The following NDST3 variants were observed in gnomAD, a reference collection of about 807,000 sequenced individuals.
NDST3 encodes N-deacetylase and N-sulfotransferase 3.
Under a neutral mutation model 96.1 loss-of-function variants are expected in NDST3, and 58 were observed. That is an observed-to-expected ratio of 0.60 (90% CI 0.49 to 0.75). The LOEUF (loss-of-function observed/expected upper bound fraction) is 0.75, where lower values mean the gene tolerates loss of function less well. Among genes scored for constraint, NDST3 ranks in the 30% least tolerant of loss-of-function variants. The pLI is 0.00. For synonymous variants in NDST3, 333 were observed against 359.7 expected (o/e 0.93, Z 0.84); for missense variants, 788 against 1,034.2 (o/e 0.76, Z 3.27).
intron 4 of NDST3, among the ~76,000 whole-genome samples, chr4:118,131,001 C>CT (rs1732565373): frequency 1.3e-5 from 2 of 152,092 alleles, no homozygotes; most frequent in Admixed American, 6.5e-5. Context: ...AGGATTCTGT[C>CT]TTTGTCTTTG....
At chr4:118,167,462 T>C (rs978123280) in intron 6 of NDST3, among the ~76,000 whole-genome samples, 3 of 152,024 alleles carry the variant, frequency 2.0e-5, no homozygotes, top group African/African-American at 4.8e-5. Context: ...GGAAGGTTAA[T>C]ATTATTAAAA....
chr4:118,242,957 A>G (rs1288185442), intron 12 of NDST3, among the ~76,000 whole-genome samples: 1 of 152,136 alleles, frequency 6.6e-6, no homozygotes, highest in Non-Finnish European at 1.5e-5. Context: ...GAAGACCTCT[A>G]TCTTACTGCG....
intron 6 of NDST3, among the ~76,000 whole-genome samples, chr4:118,180,675 T>C (rs779458402): frequency 3.3e-5 from 5 of 152,188 alleles, no homozygotes; most frequent in Non-Finnish European, 4.4e-5. Context: ...ACCACAGGAT[T>C]GGGTCATGTA....
chr4:118,195,098 T>C (rs754752578), intron 6 of NDST3, among the ~76,000 whole-genome samples: 1 of 152,230 alleles, frequency 6.6e-6, no homozygotes, highest in Non-Finnish European at 1.5e-5. Context: ...TTGGGTGATA[T>C]TGACATTTTA....
intron 6 of NDST3, among the ~76,000 whole-genome samples, chr4:118,187,051 C>T (rs1426515905): frequency 6.6e-6 from 1 of 152,126 alleles, no homozygotes; most frequent in Non-Finnish European, 1.5e-5. Flanking sequence ...CCCCATGAAC[C>T]AATCCAACTA....
intron 6 of NDST3, among the ~76,000 whole-genome samples, chr4:118,157,395 C>T (rs1165037335): frequency 1.3e-5 from 2 of 150,380 alleles, no homozygotes; most frequent in African/African-American, 4.9e-5. Flanking sequence ...AGAAACACTT[C>T]ACTACGTACA....
chr4:118,163,291 C>T (rs1302254140), intron 6 of NDST3, among the ~76,000 whole-genome samples: 3 of 152,200 alleles, frequency 2.0e-5, no homozygotes, highest in African/African-American at 7.2e-5. Context: ...GCTATAAAGA[C>T]ACATGCACAC....
chr4:118,060,394 G>C (rs962080724), intron 2 of NDST3, among the ~76,000 whole-genome samples: 4 of 151,754 alleles, frequency 2.6e-5, no homozygotes, highest in Non-Finnish European at 4.4e-5. Context: ...ATTACTATTT[G>C]AGAAATATAT....
chr4:118,194,202 G>T, intron 6 of NDST3: 1 of 754,414 alleles, frequency 1.3e-6, no homozygotes. Context: ...TTCTCCTGAT[G>T]TTCAAAGAAC....
chr4:118,148,185 C>T (rs1734095641), intron 6 of NDST3, among the ~76,000 whole-genome samples: 1 of 152,142 alleles, frequency 6.6e-6, no homozygotes, highest in Non-Finnish European at 1.5e-5. Flanking sequence ...GTAGTCCCAG[C>T]TACTCAGGAG....
chr4:118,063,810 A>T (rs1726090692), intron 2 of NDST3, among the ~76,000 whole-genome samples: 1 of 152,180 alleles, frequency 6.6e-6, no homozygotes, highest in Non-Finnish European at 1.5e-5. Flanking sequence ...AGTAAGTGGC[A>T]TTCCTAGAAT....
intron 6 of NDST3, among the ~76,000 whole-genome samples, chr4:118,177,884 A>G (rs1285430610): frequency 2.6e-5 from 4 of 151,944 alleles, no homozygotes; most frequent in Non-Finnish European, 1.5e-5. Context: ...AACAATCTGC[A>G]GGAAGAATAA....
At chr4:118,104,850 C>G (rs879497365) in intron 2 of NDST3, among the ~76,000 whole-genome samples, 168 bp from the exon 3 acceptor site, 8 of 152,068 alleles carry the variant, frequency 5.3e-5, no homozygotes, top group Non-Finnish European at 8.8e-5. Context: ...CATGTAAACT[C>G]AAAAGTATCT....
rs769683392 is a variant in NDST3 at position 118,138,076 on chromosome 4, T to G, written c.1247T>G (p.Met416Arg). The G allele has an allele frequency of 1.2e-5, 20 of 1,610,292 alleles. No individual in the cohort carries two copies. Among genetic ancestry groups the G allele is most frequent in the Admixed American group, 6.7e-5 (4 of 59,362 alleles). ...TAGGAGCACGGCATTCCAACGGACA[T>G]GGGCTACGCTGTGGCCCCTCACCAT... The part of the protein sequence containing the change: ...FALEHGIPTD[M>R]GYAVAPHHSG... Residue 416 changes from methionine to arginine, a missense_variant, in exon 5 of 14, where the codon ATG becomes AGG. Coordinates refer to ENST00000296499, the MANE Select transcript of NDST3 (RefSeq NM_004784.3).
At chr4:118,047,716 G>A (rs1283823790) in intron 1 of NDST3, among the ~76,000 whole-genome samples, 2 of 152,112 alleles carry the variant, frequency 1.3e-5, no homozygotes, top group Non-Finnish European at 2.9e-5. Context: ...ATAATTGTTA[G>A]AAATGAACAA....
chr4:118,224,132 G>A (rs531658361), intron 6 of NDST3, among the ~76,000 whole-genome samples: 1 of 152,182 alleles, frequency 6.6e-6, no homozygotes, highest in East Asian at 1.9e-4. Context: ...GTTTTATATT[G>A]GGAATAATGG....
chr4:118,096,823 C>T (rs1729357768), intron 2 of NDST3, among the ~76,000 whole-genome samples: 2 of 151,868 alleles, frequency 1.3e-5, no homozygotes, highest in Admixed American at 6.6e-5. Context: ...TGTGTAGTTC[C>T]TGTCCAGGTT....
At chr4:118,191,173 T>C (rs544370170) in intron 6 of NDST3, among the ~76,000 whole-genome samples, 29 of 152,302 alleles carry the variant, frequency 1.9e-4, no homozygotes, top group African/African-American at 6.5e-4. Context: ...GCTAACACTT[T>C]AGGCCTAAAT....
chr4:118,072,380 T>A (rs1030984178), intron 2 of NDST3, among the ~76,000 whole-genome samples: 1 of 152,132 alleles, frequency 6.6e-6, no homozygotes, highest in Non-Finnish European at 1.5e-5. Flanking sequence ...GCTATTCCTT[T>A]CTTTGTGTTG....
Sources: gnomAD v4.1 joint callset for allele counts (sites outside exome capture counted in the v4.1 genomes callset) on GRCh38, gnomAD v4.1.1 for gene constraint, MANE v1.5 for transcripts, NCBI Gene and HGNC (gene_info 2026-07-23, HGNC 2026-07-21) for gene names.